The following NOL4L variants were observed in gnomAD, a reference collection of about 807,000 sequenced individuals.
The protein encoded by NOL4L is nucleolar protein 4-like.
NOL4L carries 7 observed loss-of-function variants against 64.5 expected under a neutral mutation model. That is an observed-to-expected ratio of 0.11 (90% CI 0.06 to 0.20). NOL4L has a LOEUF of 0.20. NOL4L is among the 10% of genes least tolerant of loss of function. NOL4L has a pLI of 1.00. For missense variants in NOL4L, 680 were observed against 967.1 expected (o/e 0.70, Z 3.94); for synonymous variants, 413 against 401.0 (o/e 1.03, Z -0.36).
intron 5 of NOL4L, among the ~76,000 whole-genome samples, chr20:32,466,429 G>A (rs1223557247): frequency 6.6e-6 from 1 of 152,192 alleles, no homozygotes; most frequent in Non-Finnish European, 1.5e-5. Flanking sequence ...TGGCGGGCCG[G>A]GGCCCAGCAC....
chr20:32,558,756 T>C (rs564269181), intron 1 of NOL4L, among the ~76,000 whole-genome samples: 1 of 151,888 alleles, frequency 6.6e-6, no homozygotes, highest in South Asian at 2.1e-4. Flanking sequence ...TGGAGTCTGG[T>C]CTTTGTCCTA....
rs1490747314 is a variant in NOL4L at position 32,568,583 on chromosome 20, A to C, written c.321+15987T>G. Among the ~76,000 whole-genome samples the C allele has an allele frequency of 2.0e-5, 3 of 152,298 alleles. No individual in the cohort carries two copies. The East Asian group carries it at 5.8e-4, about 29-fold the overall frequency. On this transcript the variant is annotated intron_variant, in intron 1 of 10. Transcript: ENST00000621426. Reference sequence around the variant, plus strand: ...AACACTCAATGGCTCCCAATCCCTGAGATCTGGCTTTCTGGGGCCCCACTA... The same window carrying C: ...AACACTCAATGGCTCCCAATCCCTGCGATCTGGCTTTCTGGGGCCCCACTA...
intron 1 of NOL4L, among the ~76,000 whole-genome samples, chr20:32,568,101 C>T (rs1370603392): frequency 1.3e-5 from 2 of 152,000 alleles, no homozygotes; most frequent in Non-Finnish European, 2.9e-5. Context: ...CCATTACCAT[C>T]ACCACTATAA....
Position 32,538,464 on chromosome 20 carries a change from TCCCTCCC to T in NOL4L, c.322-10558_322-10552del, listed in dbSNP as rs1568700455. On this transcript the variant is annotated intron_variant, in intron 1 of 10. Coordinates refer to ENST00000621426, the MANE Select transcript of NOL4L (RefSeq NM_001256798.2). ...ATGACCTCCTCCCTCCCTCCCTCGC[TCCCTCCC>T]TCCCTCCCTCCCTCCCTCCCTCCCT... Among the ~76,000 whole-genome samples the T allele has an allele frequency of 2.5e-4, 4 of 15,842 alleles. No individual in the cohort carries two copies. In the African/African-American group the frequency reaches 2.8e-3, roughly 11 times the overall value. 10.4% of individuals were successfully genotyped at this position (15,842 alleles called of 152,430 possible).
chr20:32,502,253 G>C (rs556682905), intron 4 of NOL4L, among the ~76,000 whole-genome samples: 1 of 152,326 alleles, frequency 6.6e-6, no homozygotes, highest in South Asian at 2.1e-4. Flanking sequence ...AATTGAAGTG[G>C]GGAGGCTGGG....
chr20:32,457,531 T>G (rs966706590), intron 5 of NOL4L, among the ~76,000 whole-genome samples: 3 of 131,486 alleles, frequency 2.3e-5, no homozygotes, highest in East Asian at 2.5e-4. Context: ...CACGCGCACC[T>G]CCAGAGCGTC....
chr20:32,449,775 C>T (rs1398860277), intron 10 of NOL4L: 1 of 152,288 alleles, frequency 6.6e-6, no homozygotes, highest in Non-Finnish European at 1.5e-5. Context: ...GGGGATGGAC[C>T]CAGAGGGATG....
In NOL4L at chr20:32,541,809, TTTC is replaced by T. The variant is rs772670561; in HGVS notation, c.322-13899_322-13897del. Among the ~76,000 whole-genome samples the T allele has an allele frequency of 3.9e-5, 6 of 152,380 alleles. No homozygotes were observed. The East Asian group carries it at 1.2e-3, about 29-fold the overall frequency. On this transcript the variant is annotated intron_variant, in intron 1 of 10. Coordinates refer to ENST00000621426, the MANE Select transcript of NOL4L (RefSeq NM_001256798.2). Reference sequence around the variant, plus strand: ...CTTTAGGACTAAATGGAGATGTAATTTTCTATACAAATCCATGACAATTTAGAT... The same window carrying T: ...CTTTAGGACTAAATGGAGATGTAATTTATACAAATCCATGACAATTTAGAT...
In NOL4L at chr20:32,451,276, C is replaced by T. The variant is rs145029969; in HGVS notation, c.1822+960G>A. 7.2e-5 allele frequency among the ~76,000 whole-genome samples: 11 copies of T among 152,338 alleles called. No homozygotes were observed. The East Asian group carries it at 2.1e-3, about 29-fold the overall frequency. ...TGCCTCTTGCTCTGCCCATTCAAAC[C>T]TTCTTACAGGGGCAGACAGAATGAC... On this transcript the variant is annotated intron_variant, in intron 10 of 10. Transcript: ENST00000621426.
intron 4 of NOL4L, 35 bp from the exon 5 acceptor site, chr20:32,474,777 G>A (rs1456194555): frequency 6.4e-7 from 1 of 1,563,476 alleles, no homozygotes; most frequent in Admixed American, 1.8e-5. Context: ...CATTCAGCAG[G>A]GACGGGCTCT....
At chr20:32,462,921 A>AAAAAAAAAAAAAAAAAC (rs2014221003) in intron 5 of NOL4L, among the ~76,000 whole-genome samples, 2 of 149,006 alleles carry the variant, frequency 1.3e-5, no homozygotes, top group Non-Finnish European at 3.0e-5. Context: ...AAAAAAAAAA[A>AAAAAAAAAAAAAAAAAC]AACTGATTTA....
chr20:32,457,098 G>A (rs932283064), intron 5 of NOL4L, among the ~76,000 whole-genome samples: 4 of 152,238 alleles, frequency 2.6e-5, no homozygotes, highest in African/African-American at 7.2e-5. Context: ...GGCGTCTCAG[G>A]GTGGGCAGCC....
intron 5 of NOL4L, among the ~76,000 whole-genome samples, chr20:32,469,574 T>G (rs2014851793): frequency 6.6e-6 from 1 of 152,154 alleles, no homozygotes; most frequent in Non-Finnish European, 1.5e-5. Flanking sequence ...TTTTTCTATG[T>G]TGGTCAGGCT....
chr20:32,462,027 A>G (rs2014116709), intron 5 of NOL4L, among the ~76,000 whole-genome samples: 2 of 152,000 alleles, frequency 1.3e-5, no homozygotes, highest in Admixed American at 1.3e-4. Context: ...CATCACAGCA[A>G]CTGGTAATAG....
At chr20:32,540,417 G>A (rs1054326612) in intron 1 of NOL4L, among the ~76,000 whole-genome samples, 7 of 152,136 alleles carry the variant, frequency 4.6e-5, no homozygotes. Flanking sequence ...GCAGTCCTTG[G>A]ACAGTCTCAC....
At chr20:32,516,474 G>A (rs2017667031) in intron 3 of NOL4L, among the ~76,000 whole-genome samples, 1 of 152,114 alleles carries the variant, frequency 6.6e-6, no homozygotes, top group African/African-American at 2.4e-5. Context: ...GTCACTGGAG[G>A]AAGAGCTGAG....
chr20:32,491,215 A>G (rs1373119075), intron 4 of NOL4L, among the ~76,000 whole-genome samples: 1 of 152,198 alleles, frequency 6.6e-6, no homozygotes, highest in Non-Finnish European at 1.5e-5. Context: ...TGGGCGGTGT[A>G]TTCCAGTTTG....
At chr20:32,569,594 G>T (rs761239012) in intron 1 of NOL4L, among the ~76,000 whole-genome samples, 3 of 152,108 alleles carry the variant, frequency 2.0e-5, no homozygotes, top group Non-Finnish European at 2.9e-5. Context: ...AGGGCAGCAG[G>T]GCTGGCATGG....
In NOL4L at chr20:32,447,116, C is replaced by T; in HGVS notation, c.*480G>A. On this transcript the variant is annotated 3_prime_UTR_variant, in exon 11 of 11. Transcript: ENST00000621426. ...ATACATCCTTCTGATCAGACAGACA[C>T]AGACTAGCAATCTGTACAAACACAA... is the stretch of plus-strand genomic sequence containing the variant. 1 of 412,656 alleles carries T rather than the reference C, an allele frequency of 2.4e-6. No individual in the cohort carries two copies. Among genetic ancestry groups the T allele is most frequent in the Non-Finnish European group, 4.8e-6 (1 of 207,184 alleles). The allele number at this position is 412,656 out of a possible 1,614,324, so 25.6% of individuals were successfully genotyped here.
Sources: gnomAD v4.1 joint callset for allele counts (sites outside exome capture counted in the v4.1 genomes callset) on GRCh38, gnomAD v4.1.1 for gene constraint, MANE v1.5 for transcripts, NCBI Gene and HGNC (gene_info 2026-07-23, HGNC 2026-07-21) for gene names.